Variants in CENPW observed in about 807,000 individuals in gnomAD.
CENPW encodes the protein cancer-up-regulated gene 2 protein.
A neutral mutation model predicts 11.1 loss-of-function variants in CENPW; 3 were observed. The observed-to-expected ratio is 0.27, with a 90% CI of 0.12 to 0.70. The LOEUF is 0.70. Ranked by LOEUF, CENPW falls within the 30% of genes least tolerant of loss-of-function variation. The pLI is 0.77. For synonymous variants in CENPW, 38 were observed against 42.0 expected (o/e 0.91, Z 0.37); for missense variants, 100 against 105.6 (o/e 0.95, Z 0.23).
the CENPW span, among the ~76,000 whole-genome samples, chr6:126,418,414 A>G: frequency 9.8e-5 from 15 of 152,340 alleles, no homozygotes; most frequent in Admixed American, 2.0e-4. Flanking sequence ...TATTTTCAGC[A>G]AAATATTTTT....
the CENPW span, among the ~76,000 whole-genome samples, chr6:126,437,741 A>C: frequency 7.3e-5 from 11 of 151,686 alleles, no homozygotes; most frequent in African/African-American, 2.2e-4. Context: ...GTTTTGTTCT[A>C]CTCTCATTTT....
the CENPW span, among the ~76,000 whole-genome samples, chr6:126,399,441 T>C: frequency 6.6e-6 from 1 of 152,302 alleles, no homozygotes; most frequent in Non-Finnish European, 1.5e-5. Flanking sequence ...TTACAAGTTT[T>C]AACTTTGGCT....
the CENPW span, among the ~76,000 whole-genome samples, chr6:126,455,746 A>C: frequency 6.6e-6 from 1 of 151,326 alleles, no homozygotes; most frequent in Non-Finnish European, 1.5e-5. Flanking sequence ...AAAGAAAGAA[A>C]AGCATCCAAA....
At chr6:126,411,918 C>T in the CENPW span, among the ~76,000 whole-genome samples, 1 of 100,814 alleles carries the variant, frequency 9.9e-6, no homozygotes, top group African/African-American at 3.7e-5. Flanking sequence ...CTCCCTCCCC[C>T]TCCCTCCTTT....
downstream of CENPW, among the ~76,000 whole-genome samples, chr6:126,350,121 ACTTT>A (rs1211554702): frequency 1.3e-5 from 2 of 152,116 alleles, no homozygotes; most frequent in South Asian, 2.1e-4. Flanking sequence ...TGGGAAATCC[ACTTT>A]CTTAATATTC....
At chr6:126,405,033 C>T in the CENPW span, among the ~76,000 whole-genome samples, 1 of 151,844 alleles carries the variant, frequency 6.6e-6, no homozygotes, top group Non-Finnish European at 1.5e-5. Flanking sequence ...TCTATATTTG[C>T]TTTTGTTGTC....
downstream of CENPW, among the ~76,000 whole-genome samples, chr6:126,352,089 G>GAT (rs1780497945): frequency 6.6e-6 from 1 of 151,950 alleles, no homozygotes; most frequent in South Asian, 2.1e-4. Flanking sequence ...GCCATCCAGG[G>GAT]GCCATGCTTC....
chr6:126,390,670 T>C, the CENPW span, among the ~76,000 whole-genome samples: 20 of 151,974 alleles, frequency 1.3e-4, no homozygotes, highest in Middle Eastern at 6.8e-3. Flanking sequence ...ACCATCTCCA[T>C]GAGTTTACTT....
At chr6:126,355,609 A>C in the CENPW span, among the ~76,000 whole-genome samples, 7 of 152,160 alleles carry the variant, frequency 4.6e-5, no homozygotes, top group Non-Finnish European at 1.0e-4. Flanking sequence ...TGTCCATTAA[A>C]TAATGCTGCA....
At chr6:126,448,223 A>G in the CENPW span, among the ~76,000 whole-genome samples, 1 of 151,204 alleles carries the variant, frequency 6.6e-6, no homozygotes, top group Admixed American at 6.6e-5. Context: ...CAGGATCTCT[A>G]GCGGTGCAGC....
the CENPW span, among the ~76,000 whole-genome samples, chr6:126,459,986 AAATT>A: frequency 1.3e-5 from 2 of 151,488 alleles, no homozygotes; most frequent in African/African-American, 4.8e-5. Flanking sequence ...TTGAACAAAT[AAATT>A]CTATTCTTAT....
At chr6:126,341,796 T>C (rs1182533856) in intron 1 of CENPW, among the ~76,000 whole-genome samples, 2 of 152,178 alleles carry the variant, frequency 1.3e-5, no homozygotes, top group Admixed American at 6.5e-5. Flanking sequence ...AAGAGACCAC[T>C]AGCTGGTGCA....
At chr6:126,406,473 G>A in the CENPW span, among the ~76,000 whole-genome samples, 3 of 151,856 alleles carry the variant, frequency 2.0e-5, no homozygotes, top group Admixed American at 6.6e-5. Flanking sequence ...TCAGAGTAAT[G>A]CTTGTGTCAC....
the CENPW span, among the ~76,000 whole-genome samples, chr6:126,454,677 G>A: frequency 2.6e-5 from 4 of 150,952 alleles, 1 homozygote; most frequent in South Asian, 8.4e-4. Flanking sequence ...AGAAACAAGA[G>A]GAAAACAATC....
At chr6:126,377,576 T>G in the CENPW span, among the ~76,000 whole-genome samples, 1 of 152,194 alleles carries the variant, frequency 6.6e-6, no homozygotes, top group Non-Finnish European at 1.5e-5. Flanking sequence ...CCTTGTTAGA[T>G]TTTTTAGCCA....
the CENPW span, among the ~76,000 whole-genome samples, chr6:126,362,591 C>T: frequency 2.0e-5 from 3 of 152,136 alleles, no homozygotes; most frequent in Non-Finnish European, 2.9e-5. Context: ...AACAGCGCTT[C>T]GTGGCTTTGT....
chr6:126,412,073 TTC>T, the CENPW span, among the ~76,000 whole-genome samples: 1 of 112,148 alleles, frequency 8.9e-6, no homozygotes. Context: ...CCTCCCTCCT[TTC>T]TCTCTCTCTC....
At chr6:126,440,107 G>A in the CENPW span, among the ~76,000 whole-genome samples, 1 of 151,544 alleles carries the variant, frequency 6.6e-6, no homozygotes, top group South Asian at 2.1e-4. Context: ...TCTTCATTGG[G>A]TCTACTTATA....
the CENPW span, among the ~76,000 whole-genome samples, chr6:126,379,829 A>G: frequency 6.6e-6 from 1 of 152,202 alleles, no homozygotes; most frequent in East Asian, 1.9e-4. Context: ...AATTCCATGA[A>G]AAGTATAATC....
Sources: allele counts gnomAD v4.1 joint callset (sites outside exome capture counted in the v4.1 genomes callset), GRCh38; gene constraint gnomAD v4.1.1; transcripts MANE v1.5; gene names NCBI Gene and HGNC (gene_info 2026-07-23, HGNC 2026-07-21).